PCDH10: variants seen among roughly 807,000 people sequenced by gnomAD.
PCDH10 encodes protocadherin-10.
Under a neutral mutation model 74.4 loss-of-function variants are expected in PCDH10, and 15 were observed. The observed-to-expected ratio is 0.20, with a 90% CI of 0.13 to 0.31. The LOEUF is 0.31. Ranked by LOEUF, PCDH10 falls within the 10% of genes least tolerant of loss-of-function variation. The pLI, the probability that PCDH10 is intolerant of heterozygous loss-of-function variation, is 1.00. For missense variants in PCDH10, 1,260 were observed against 1,390.2 expected, an observed-to-expected ratio of 0.91 and a Z score of 1.49; for synonymous variants, 619 against 589.8, an observed-to-expected ratio of 1.05 and a Z score of -0.72.
chr4:133,156,733 A>G (rs1200881142), intron 3 of PCDH10, among the ~76,000 whole-genome samples: 1 of 152,176 alleles, frequency 6.6e-6, no homozygotes, highest in African/African-American at 2.4e-5. Flanking sequence ...TTTTTCCTGT[A>G]GCACTTCAAT....
Position 133,193,224 on chromosome 4 carries a change from AAATATCACATCAG to A in PCDH10, c.*3068_*3080del, listed in dbSNP as rs1198365692. 1 of 151,754 alleles carries A rather than the reference AAATATCACATCAG, an allele frequency of 6.6e-6. No homozygotes were observed. Among genetic ancestry groups the A allele is most frequent in the Non-Finnish European group, 1.5e-5 (1 of 67,688 alleles). 9.4% of individuals were successfully genotyped at this position (151,754 alleles called of 1,614,324 possible). On this transcript the variant is annotated 3_prime_UTR_variant, in exon 5 of 5. Transcript: ENST00000264360. ...GGTGAAATCATCTTAAATCAAATTT[AAATATCACATCAG>A]AATTACTTCACAGATATAATAGCGT...
intron 2 of PCDH10, among the ~76,000 whole-genome samples, chr4:133,204,474 C>T (rs761052513): frequency 1.3e-5 from 2 of 152,170 alleles, no homozygotes; most frequent in Non-Finnish European, 2.9e-5. Flanking sequence ...GCAGGAGACT[C>T]AGGGACACTT....
At chr4:133,176,281 C>A (rs1727294021) in intron 4 of PCDH10, among the ~76,000 whole-genome samples, 1 of 152,186 alleles carries the variant, frequency 6.6e-6, no homozygotes, top group East Asian at 1.9e-4. Flanking sequence ...CAACTACTGA[C>A]CCAGCCAGAT....
chr4:133,151,974 G>A lies in PCDH10; in HGVS notation c.1834G>A (p.Glu612Lys), dbSNP rs750931587. The A allele has an allele frequency of 6.8e-6, 11 of 1,612,540 alleles. No individual in the cohort carries two copies. The highest frequency in any genetic ancestry group is 9.3e-6 in the Non-Finnish European group (11 of 1,179,816). Residue 612 changes from glutamate to lysine, a missense_variant, in exon 1 of 5, where the codon GAG becomes AAG. Around this residue, in one of 11 missense-constraint regions of PCDH10, gnomAD observed 587 missense variants for 616.9 expected, o/e 0.95. Transcript: ENST00000264360. ...GGCCGCCGTGGACGCGGACGACGGC[G>A]AGAACGCCCGGCTCACTTACAGCAT... ...RVAAVDADDG[E>K]NARLTYSIVR...
rs1346914066 is a variant in PCDH10 at position 133,191,448 on chromosome 4, A to G, written c.*1288A>G. The G allele has an allele frequency of 1.3e-5, 2 of 152,214 alleles. No homozygotes were observed. Among genetic ancestry groups the G allele is most frequent in the Non-Finnish European group, 3.0e-5 (2 of 67,774 alleles). 9.4% of individuals were successfully genotyped at this position (152,214 alleles called of 1,614,324 possible). A position where few individuals can be genotyped will look rare whatever the true frequency, so the allele number is the denominator to read the frequency against. ...CATTATTGTTTCAGTATTCCATGTG[A>G]AAATTTTATAGCTTAAATGTAGTCA... On this transcript the variant is annotated 3_prime_UTR_variant, in exon 5 of 5. Coordinates refer to ENST00000264360, the MANE Select transcript of PCDH10 (RefSeq NM_032961.3).
intron 1 of PCDH10, chr4:133,154,035 A>AT (rs1726804736): frequency 5.1e-6 from 2 of 393,294 alleles, no homozygotes; most frequent in Non-Finnish European, 9.0e-6. Context: ...CCATGAGGTC[A>AT]TTTGCATTTT....
Position 133,194,488 on chromosome 4 carries a change from CTTAACTACAGTGTTTG to C in PCDH10, c.*4332_*4347del. ...ATTATAACAAAAGATGAGTTTCAAT[CTTAACTACAGTGTTTG>C]TTACTGTGAATGCTATAATAATACA... is the stretch of plus-strand genomic sequence containing the variant. On this transcript the variant is annotated 3_prime_UTR_variant, in exon 5 of 5. Coordinates refer to ENST00000264360, the MANE Select transcript of PCDH10 (RefSeq NM_032961.3). 1 of 151,768 alleles carries C rather than the reference CTTAACTACAGTGTTTG, an allele frequency of 6.6e-6. No homozygotes were observed. The highest frequency in any genetic ancestry group is 1.5e-5 in the Non-Finnish European group (1 of 67,800). 9.4% of individuals were successfully genotyped at this position (151,768 alleles called of 1,614,324 possible).
At chr4:133,168,018 T>C (rs1400949032) in intron 4 of PCDH10, among the ~76,000 whole-genome samples, 1 of 151,454 alleles carries the variant, frequency 6.6e-6, no homozygotes. Context: ...TTATTGTATT[T>C]GGTGAATTTT....
At chr4:133,189,429 T>C (rs561575826) in intron 4 of PCDH10, among the ~76,000 whole-genome samples, 1 of 152,166 alleles carries the variant, frequency 6.6e-6, no homozygotes, top group South Asian at 2.1e-4. Context: ...AATTATGAAA[T>C]CTGGGCAATC....
chr4:133,167,577 C>T (rs769365097), intron 4 of PCDH10, among the ~76,000 whole-genome samples: 8 of 151,316 alleles, frequency 5.3e-5, no homozygotes, highest in Non-Finnish European at 7.4e-5. Context: ...GCCCATACAC[C>T]GCTAAATGAA....
chr4:133,185,379 A>G (rs1727524451), intron 4 of PCDH10, among the ~76,000 whole-genome samples: 1 of 151,748 alleles, frequency 6.6e-6, no homozygotes, highest in Admixed American at 6.6e-5. Flanking sequence ...TCATTTCTGG[A>G]TATAAGGTTA....
At position 133,187,562 on chromosome 4, in the gene PCDH10, T is replaced by C. The variant is rs1001498311; in HGVS notation, c.3104-2579T>C. ...AGATCAGATCTAAGTTCAGATCTTA[T>C]ATTTGTCCTATCCAAATCTGCATTA... On this transcript the variant is annotated intron_variant, in intron 4 of 4. Coordinates refer to ENST00000264360, the MANE Select transcript of PCDH10 (RefSeq NM_032961.3). 8.5e-5 allele frequency among the ~76,000 whole-genome samples: 13 copies of C among 152,222 alleles called. No individual in the cohort carries two copies. In the South Asian group the frequency reaches 1.7e-3, roughly 19 times the overall value.
chr4:133,192,755 T>C lies in PCDH10; in HGVS notation c.*2595T>C, dbSNP rs1727706656. On this transcript the variant is annotated 3_prime_UTR_variant, in exon 5 of 5. Coordinates refer to ENST00000264360, the MANE Select transcript of PCDH10 (RefSeq NM_032961.3). ...CTTATCTGTTGCATCCAAAGTAAAT[T>C]AGAAGTTACAACAGAGTAAGGATAT... 1 of 151,564 alleles carries C rather than the reference T, an allele frequency of 6.6e-6. No homozygotes were observed. The highest frequency in any genetic ancestry group is 2.4e-5 in the African/African-American group (1 of 41,374). The allele number at this position is 151,564 out of a possible 1,614,324, so 9.4% of individuals were successfully genotyped here.
chr4:133,154,062 C>T (rs1399490190), intron 1 of PCDH10, among the ~76,000 whole-genome samples: 1 of 152,124 alleles, frequency 6.6e-6, no homozygotes, highest in African/African-American at 2.4e-5. Context: ...AAAAAACACA[C>T]ACACATTTAA....
intron 3 of PCDH10, among the ~76,000 whole-genome samples, chr4:133,159,061 T>G (rs1726916254): frequency 1.3e-5 from 2 of 152,040 alleles, no homozygotes; most frequent in African/African-American, 4.8e-5. Flanking sequence ...TTTTAAGTCG[T>G]TAAAAGAGGA....
chr4:133,196,373 G>C (rs1163983663), downstream of PCDH10, among the ~76,000 whole-genome samples: 1 of 152,162 alleles, frequency 6.6e-6, no homozygotes, highest in African/African-American at 2.4e-5. Context: ...CTGTTAAGCT[G>C]TCATGTTGCA....
At chr4:133,186,239 G>A (rs542800041) in intron 4 of PCDH10, among the ~76,000 whole-genome samples, 1 of 152,124 alleles carries the variant, frequency 6.6e-6, no homozygotes, top group East Asian at 1.9e-4. Context: ...TTCACCTGTG[G>A]TTTAGATATT....
intron 4 of PCDH10, among the ~76,000 whole-genome samples, chr4:133,185,101 C>T (rs950177431): frequency 2.2e-4 from 32 of 148,010 alleles, no homozygotes; most frequent in African/African-American, 5.9e-4. Context: ...ATTTGAGGAA[C>T]ATATCTAAAA....
At position 133,151,851 on chromosome 4, in the gene PCDH10, G is replaced by C; in HGVS notation, c.1711G>C (p.Ala571Pro). The change falls in exon 1 of 5, where the codon GCC becomes CCC. Residue 571 changes from alanine to proline, a missense_variant. By Grantham distance (27) the Ala-to-Pro change is conservative (BLOSUM62 -1). Transcript: ENST00000264360. ...CCTCATAGTGGATCAAAATGACAAC[G>C]CCCCTGCCATCGTGGCGCCTCTACC... ...NILIVDQNDN[A>P]PAIVAPLPGR... is the part of the protein sequence containing the mutation. The C allele has an allele frequency of 6.2e-7, 1 of 1,613,086 alleles. No homozygotes were observed. Among genetic ancestry groups the C allele is most frequent in the Admixed American group, 1.7e-5 (1 of 60,030 alleles).
Sources: gnomAD v4.1 joint callset for allele counts (sites outside exome capture counted in the v4.1 genomes callset) on GRCh38, gnomAD v4.1.1 for gene constraint, gnomAD v4.1.1 regional missense constraint, MANE v1.5 for transcripts, NCBI Gene and HGNC (gene_info 2026-07-23, HGNC 2026-07-21) for gene names.